Variants in ZNF235 observed in about 807,000 individuals in gnomAD.
ZNF235 encodes zinc finger protein 235.
Under a neutral mutation model 29.4 loss-of-function variants are expected in ZNF235, and 25 were observed. The observed-to-expected ratio is 0.85, with a 90% CI of 0.62 to 1.19. ZNF235 has a LOEUF of 1.19. ZNF235 is among the 50% of genes most tolerant of loss of function. The pLI is 0.00. For synonymous variants in ZNF235, 300 were observed against 295.3 expected, an observed-to-expected ratio of 1.02 and a Z score of -0.16; for missense variants, 788 against 885.0, an observed-to-expected ratio of 0.89 and a Z score of 1.39.
Position 44,305,015 on chromosome 19 carries a change from G to A in ZNF235, c.-93C>T. 1.1e-6 allele frequency: 1 copy of A among 908,000 alleles called. No individual in the cohort carries two copies. Among genetic ancestry groups the A allele is most frequent in the Non-Finnish European group, 1.3e-6 (1 of 759,268 alleles). 56.2% of individuals were successfully genotyped at this position (908,000 alleles called of 1,614,324 possible). A position where few individuals can be genotyped will look rare whatever the true frequency, so the allele number is the denominator to read the frequency against. On this transcript the variant is annotated 5_prime_UTR_variant, in exon 1 of 5. Transcript: ENST00000291182. ...GATCCGACCTCGCCTTCCTGGAGCGGAAGTGCCTCCGAGTGCCCACGGTTC... is the reference window on the plus strand; with the variant it reads ...GATCCGACCTCGCCTTCCTGGAGCGAAAGTGCCTCCGAGTGCCCACGGTTC...
At position 44,287,832 on chromosome 19, in the gene ZNF235, T is replaced by C; in HGVS notation, c.1603A>G (p.Arg535Gly). The change falls in exon 5 of 5, where the codon AGA (arginine) becomes GGA (glycine). Residue 535 changes from arginine (R) to glycine (G), a missense_variant. By Grantham distance (125) the Arg-to-Gly change is moderately radical. Coordinates refer to ENST00000291182, the MANE Select transcript of ZNF235 (RefSeq NM_004234.4). ...TATGGTTTTTCTCCAGTGTGGACTC[T>C]CTGATGTGCTTGAAAGTATGAACTC... ...SQSSYFQAHQ[R>G]VHTGEKPYKC... 6.2e-7 allele frequency: 1 copy of C among 1,614,114 alleles called. No homozygotes were observed. The highest frequency in any genetic ancestry group is 1.3e-5 in the African/African-American group (1 of 75,018).
At chr19:44,303,266 C>T (rs1386452236) in intron 2 of ZNF235, 124 bp downstream of exon 2, 2 of 812,900 alleles carry the variant, frequency 2.5e-6, no homozygotes, top group Non-Finnish European at 4.1e-6. Flanking sequence ...AGGCAACAAC[C>T]TGGCATATAA....
chr19:44,288,614 T>A lies in ZNF235; in HGVS notation c.821A>T (p.Asp274Val), dbSNP rs1355319485. Residue 274 changes from aspartate (D) to valine (V), a missense_variant, in exon 5 of 5, where the codon GAT becomes GTT. Transcript: ENST00000291182. ...TTTATGAAGTTCAAGACTGGAGCTA[T>A]CATTGAAGGCTTCTTCACATTCATT... ...QGNECEEAFN[D>V]SSSLELHKQV... The A allele has an allele frequency of 2.5e-6, 4 of 1,613,996 alleles. No homozygotes were observed. In the Admixed American group the frequency reaches 6.7e-5, roughly 27 times the overall value.
Position 44,287,482 on chromosome 19 carries a change from T to C in ZNF235, c.1953A>G (p.Gly651=). 6.2e-7 allele frequency: 1 copy of C among 1,614,098 alleles called. No individual in the cohort carries two copies. The highest frequency in any genetic ancestry group is 2.2e-5 in the East Asian group (1 of 44,874). Residue 651 remains glycine, a synonymous_variant, in exon 5 of 5, where the codon GGA becomes GGG. Coordinates refer to ENST00000291182, the MANE Select transcript of ZNF235 (RefSeq NM_004234.4). The stretch of plus-strand genomic sequence containing the variant: ...ATTCCTCACATTTAAATGGTTTCTC[T>C]CCAGTGTGAATTATCTGATGGACTT... ...NLQVHQIIHT[G]EKPFKCEECG...
At chr19:44,303,110 C>T (rs10406673) in intron 2 of ZNF235, among the ~76,000 whole-genome samples, 4,243 of 65,350 alleles carry the variant, frequency 0.065, 170 homozygotes, top group African/African-American at 0.21. Context: ...ACGTATATTT[C>T]TTATAAATAT....
intron 3 of ZNF235, among the ~76,000 whole-genome samples, chr19:44,299,157 A>T (rs1375906929): frequency 6.6e-6 from 1 of 152,224 alleles, no homozygotes; most frequent in African/African-American, 2.4e-5. Context: ...CCCTTACGGC[A>T]AGCAGCAGCA....
Position 44,287,199 on chromosome 19 carries a change from T to G in ZNF235, c.*19A>C. On this transcript the variant is annotated 3_prime_UTR_variant, in exon 5 of 5. Coordinates refer to ENST00000291182, the MANE Select transcript of ZNF235 (RefSeq NM_004234.4). ...AAAGATGTGAGCTCTAACTGAAGGC[T>G]GAACCACACCTCTCATTTCTACAGA... 1.3e-6 allele frequency: 2 copies of G among 1,558,654 alleles called. No homozygotes were observed. Among genetic ancestry groups the G allele is most frequent in the Non-Finnish European group, 1.7e-6 (2 of 1,151,326 alleles).
intron 1 of ZNF235, among the ~76,000 whole-genome samples, chr19:44,303,760 G>C (rs1336610179): frequency 6.6e-6 from 1 of 152,146 alleles, no homozygotes; most frequent in Non-Finnish European, 1.5e-5. Flanking sequence ...CAAAATGCCT[G>C]GCTTCAAATT....
chr19:44,304,901 G>A (rs1975809043), intron 1 of ZNF235, 70 bp downstream of exon 1: 1 of 985,510 alleles, frequency 1.0e-6, no homozygotes, highest in South Asian at 4.7e-5. Context: ...GCCAAGGACG[G>A]GTTCATTGCT....
intron 1 of ZNF235, 168 bp downstream of exon 1, chr19:44,304,801 TCC>T (rs1975807395): frequency 1.0e-6 from 1 of 985,420 alleles, no homozygotes; most frequent in Non-Finnish European, 1.2e-6. Context: ...CGAGCCCGCC[TCC>T]CACGCAAGAG....
chr19:44,298,958 A>AGATAGTATTTAAGTGAAAATGT, intron 3 of ZNF235, 55 bp from the exon 4 acceptor site: 1 of 1,395,052 alleles, frequency 7.2e-7, no homozygotes. Context: ...TACTGAAAAA[A>AGATAGTATTTAAGTGAAAATGT]TCTGGTTCCA....
chr19:44,290,879 T>C (rs1395811681), intron 4 of ZNF235: 1 of 152,482 alleles, frequency 6.6e-6, no homozygotes, highest in African/African-American at 2.4e-5. Flanking sequence ...ATTCAGGTTT[T>C]CCAGAATGTG....
At chr19:44,292,842 A>G (rs1337531685) in intron 4 of ZNF235, among the ~76,000 whole-genome samples, 1 of 152,092 alleles carries the variant, frequency 6.6e-6, no homozygotes, top group African/African-American at 2.4e-5. Context: ...TCAGCAAGAG[A>G]AAAGTGTTTA....
rs1303814993 is a variant in ZNF235 at position 44,287,112 on chromosome 19, T to C, written c.*106A>G. ...GAGACTTCTTTCCTGTCAAGATTCTTTGAAGCTTCTAGTTTTAAAGGAACT... is the reference window on the plus strand; with the variant it reads ...GAGACTTCTTTCCTGTCAAGATTCTCTGAAGCTTCTAGTTTTAAAGGAACT... On this transcript the variant is annotated 3_prime_UTR_variant, in exon 5 of 5. Transcript: ENST00000291182. The C allele has an allele frequency of 5.0e-6, 6 of 1,194,116 alleles. No individual in the cohort carries two copies. The highest frequency in any genetic ancestry group is 4.6e-6 in the Non-Finnish European group (4 of 866,444). 74.0% of individuals were successfully genotyped at this position (1,194,116 alleles called of 1,614,324 possible). A position where few individuals can be genotyped will look rare whatever the true frequency, so the allele number is the denominator to read the frequency against.
intron 3 of ZNF235, 52 bp from the exon 4 acceptor site, chr19:44,298,955 A>C (rs1405241415): frequency 7.0e-7 from 1 of 1,423,126 alleles, no homozygotes. Context: ...GAGTACTGAA[A>C]AAATCTGGTT....
chr19:44,292,219 A>G (rs1480922779), intron 4 of ZNF235, among the ~76,000 whole-genome samples: 2 of 151,962 alleles, frequency 1.3e-5, no homozygotes, highest in Non-Finnish European at 2.9e-5. Context: ...AAAAAACAAC[A>G]TAAAAGAAAT....
chr19:44,301,545 A>C (rs991002929), intron 2 of ZNF235, among the ~76,000 whole-genome samples: 1 of 151,600 alleles, frequency 6.6e-6, no homozygotes, highest in African/African-American at 2.4e-5. Flanking sequence ...ATCTTGGCTC[A>C]CTGCAACTTC....
In ZNF235 at chr19:44,288,697, T is replaced by C. The variant is rs768789547; in HGVS notation, c.738A>G (p.Leu246=). The C allele has an allele frequency of 1.9e-6, 3 of 1,613,954 alleles. No homozygotes were observed. In the African/African-American group the frequency reaches 4.0e-5, roughly 22 times the overall value. The change falls in exon 5 of 5, where the codon CTA becomes CTG. Residue 246 remains leucine (L), a synonymous_variant. Transcript: ENST00000291182. ...HSNSDCGKDT[L]KVSPLTQRSI... is the part of the protein sequence containing the mutation. ...TACGCTGGGTAAGAGGTGATACCTT[T>C]AGGGTATCTTTACCACAATCACTAT... is the stretch of plus-strand genomic sequence containing the variant.
chr19:44,288,929 A>G lies in ZNF235; in HGVS notation c.506T>C (p.Ile169Thr), dbSNP rs200194328. Residue 169 changes from isoleucine (I) to threonine (T), a missense_variant, in exon 5 of 5, where the codon ATT (isoleucine) becomes ACT (threonine). Physicochemically the swap from Ile to Thr is moderately conservative, Grantham distance 89. Transcript: ENST00000291182. Reference protein sequence around the residue: ...VNHIGDHSSIIENQEFPTGKV... With the variant: ...VNHIGDHSSITENQEFPTGKV... ...CCCAGTTGGAAATTCTTGATTTTCA[A>G]TGATACTGGAATGATCCCCTATGTG... 3.4e-5 allele frequency: 55 copies of G among 1,614,074 alleles called. 1 individual carries two copies. In the East Asian group the frequency reaches 4.0e-4, roughly 12 times the overall value.
Sources: allele counts gnomAD v4.1 joint callset (sites outside exome capture counted in the v4.1 genomes callset), GRCh38; gene constraint gnomAD v4.1.1; transcripts MANE v1.5; gene names NCBI Gene and HGNC (gene_info 2026-07-23, HGNC 2026-07-21).